TLK1: variants seen among roughly 807,000 people sequenced by gnomAD.
TLK1 encodes the protein tousled like kinase 1.
TLK1 carries 24 observed loss-of-function variants against 105.3 expected under a neutral mutation model. The observed-to-expected ratio is 0.23, with a 90% CI of 0.17 to 0.32. TLK1 has a LOEUF of 0.32. Among genes scored for constraint, TLK1 ranks in the 10% least tolerant of loss-of-function variants. The pLI is 1.00. For missense variants in TLK1, 558 were observed against 910.5 expected (o/e 0.61, Z 4.98); for synonymous variants, 321 against 310.4 (o/e 1.03, Z -0.36).
chr2:171,190,356 T>C (rs1693121463), intron 1 of TLK1, among the ~76,000 whole-genome samples: 1 of 152,180 alleles, frequency 6.6e-6, no homozygotes, highest in Admixed American at 6.6e-5. Context: ...GGCCTCAACA[T>C]AAAGCTTACT....
rs75679633 is a variant in TLK1 at position 171,135,345 on chromosome 2, C to A, written c.140-17488G>T. On this transcript the variant is annotated intron_variant, in intron 1 of 20. Transcript: ENST00000431350. Reference sequence around the variant, plus strand: ...TATATATATATATATATATATATATCAAAACATGACACTGTACCCCATAAA... The same window carrying A: ...TATATATATATATATATATATATATAAAAACATGACACTGTACCCCATAAA... Among the ~76,000 whole-genome samples the A allele has an allele frequency of 2.6e-3, 360 of 138,074 alleles. 5 individuals are homozygous for A. In the East Asian group the frequency reaches 0.052, roughly 20 times the overall value. The allele number at this position is 138,074 out of a possible 152,430, so 90.6% of individuals were successfully genotyped here.
At chr2:171,127,994 A>G (rs1443337062) in intron 1 of TLK1, among the ~76,000 whole-genome samples, 2 of 152,198 alleles carry the variant, frequency 1.3e-5, no homozygotes, top group African/African-American at 2.4e-5. Context: ...CTAGGTATAC[A>G]TGTTCAATTA....
rs1418680567 is a variant in TLK1, at chr2:170,993,368, A to G, written c.*412T>C. On this transcript the variant is annotated 3_prime_UTR_variant, in exon 21 of 21. Coordinates refer to ENST00000431350, the MANE Select transcript of TLK1 (RefSeq NM_012290.5). ...AGTTCGTATGTTAGAAATATGTCTC[A>G]TATTTTTCCATGTGTTTTTAAATAA... is the stretch of plus-strand genomic sequence containing the variant. 2 of 154,444 alleles carry G rather than the reference A, an allele frequency of 1.3e-5. No individual in the cohort carries two copies. The highest frequency in any genetic ancestry group is 2.9e-5 in the Non-Finnish European group (2 of 69,324). The allele number at this position is 154,444 out of a possible 1,614,324, so 9.6% of individuals were successfully genotyped here.
At chr2:171,134,696 G>C (rs144443089) in intron 1 of TLK1, among the ~76,000 whole-genome samples, 89 of 147,968 alleles carry the variant, frequency 6.0e-4, no homozygotes, top group African/African-American at 1.9e-3. Flanking sequence ...AAAAAAATGT[G>C]GTATATATAC....
intron 1 of TLK1, among the ~76,000 whole-genome samples, chr2:171,182,295 A>G (rs916341256): frequency 6.6e-6 from 1 of 152,262 alleles, no homozygotes; most frequent in African/African-American, 2.4e-5. Context: ...CCAAATTCTT[A>G]TTAATTACAA....
chr2:170,997,436 T>G (rs1032850647), intron 19 of TLK1, among the ~76,000 whole-genome samples: 5 of 152,046 alleles, frequency 3.3e-5, no homozygotes, highest in African/African-American at 1.2e-4. Flanking sequence ...AAGTATTGAC[T>G]CCAGTATTCC....
chr2:171,201,023 A>G (rs1219767647), intron 1 of TLK1, among the ~76,000 whole-genome samples: 1 of 151,748 alleles, frequency 6.6e-6, no homozygotes, highest in Non-Finnish European at 1.5e-5. Flanking sequence ...CTGGGAATTC[A>G]GGTGCATGCT....
chr2:171,029,212 G>C (rs1685920359), intron 11 of TLK1, among the ~76,000 whole-genome samples: 1 of 152,190 alleles, frequency 6.6e-6, no homozygotes, highest in African/African-American at 2.4e-5. Context: ...TCACTGCAAA[G>C]GGAGTCAGTC....
chr2:171,221,458 A>T (rs1029323506), intron 1 of TLK1, among the ~76,000 whole-genome samples: 1 of 152,212 alleles, frequency 6.6e-6, no homozygotes, highest in Non-Finnish European at 1.5e-5. Context: ...AAAGAAGATG[A>T]TGCATTGCTT....
chr2:171,053,465 C>A (rs1165739134), intron 8 of TLK1, among the ~76,000 whole-genome samples: 1 of 151,994 alleles, frequency 6.6e-6, no homozygotes, highest in Non-Finnish European at 1.5e-5. Context: ...CGGGTTCAAG[C>A]ATTTCTGCTG....
intron 1 of TLK1, among the ~76,000 whole-genome samples, chr2:171,173,953 C>A (rs1692775488): frequency 6.6e-6 from 1 of 152,156 alleles, no homozygotes. Flanking sequence ...TTGCCACTCC[C>A]TAAGACTACG....
At chr2:171,161,015 G>C (rs921718074), upstream of TLK1, 138 of 185,484 alleles carry the variant, frequency 7.4e-4, 3 homozygotes, top group South Asian at 2.7e-3. Flanking sequence ...AGCAGGCTTG[G>C]GGGAGGGACC....
rs1683897133 is a variant in TLK1, at chr2:170,993,680, A to AAG, written c.*99_*100insCT. ...ACCACGTCTTGTGTAAAAAAAAAAA[A>AAG]AAAAAAAAAAGAAAAAGAAAACAAA... is the stretch of plus-strand genomic sequence containing the variant. On this transcript the variant is annotated 3_prime_UTR_variant, in exon 21 of 21. Coordinates refer to ENST00000431350, the MANE Select transcript of TLK1 (RefSeq NM_012290.5). 3.2e-6 allele frequency: 3 copies of AAG among 937,678 alleles called. No individual in the cohort carries two copies. The highest frequency in any genetic ancestry group is 4.3e-6 in the Non-Finnish European group (3 of 697,502). The allele number at this position is 937,678 out of a possible 1,614,324, so 58.1% of individuals were successfully genotyped here.
At chr2:171,227,638 A>G (rs1223908585) in intron 1 of TLK1, among the ~76,000 whole-genome samples, 1 of 132,396 alleles carries the variant, frequency 7.6e-6, no homozygotes, top group Non-Finnish European at 1.5e-5. Context: ...CAACTGTAAA[A>G]GTTCTGACTA....
intron 11 of TLK1, among the ~76,000 whole-genome samples, chr2:171,042,175 G>A (rs1369445402): frequency 6.6e-6 from 1 of 152,132 alleles, no homozygotes; most frequent in African/African-American, 2.4e-5. Context: ...AAGACAACTA[G>A]TAAACAAAAT....
At chr2:171,039,620 C>T (rs1686556625) in intron 11 of TLK1, among the ~76,000 whole-genome samples, 3 of 152,168 alleles carry the variant, frequency 2.0e-5, no homozygotes, top group South Asian at 4.1e-4. Context: ...AACCTGTAGA[C>T]TGATCTTGTT....
Position 170,997,775 on chromosome 2 carries a change from A to G in TLK1, c.1953T>C (p.Ile651=). Residue 651 remains isoleucine, a synonymous_variant, in exon 19 of 21, where the codon ATT becomes ATC. Coordinates refer to ENST00000431350, the MANE Select transcript of TLK1 (RefSeq NM_012290.5). ...CFVVGKEPPK[I]SNKVDVWSVG... is the part of the protein sequence containing the mutation. Reference sequence around the variant, plus strand: ...CCGACCATACATCAACCTTGTTGGAAATCTTTGGTGGCTCTTTTCCAACTA... The same window carrying G: ...CCGACCATACATCAACCTTGTTGGAGATCTTTGGTGGCTCTTTTCCAACTA... 6.2e-7 allele frequency: 1 copy of G among 1,609,662 alleles called. No homozygotes were observed.
chr2:170,996,734 T>C lies in TLK1; in HGVS notation c.2043A>G (p.Gln681=). ...RKPFGHNQSQ[Q]DILQENTILK... ...ATATTGTATTTTCTTGAAGAATGTC[T>C]TGTTGAGATTGATTGTGACCAAATG... Residue 681 remains glutamine (Q), a synonymous_variant, in exon 20 of 21, where the codon CAA becomes CAG. Coordinates refer to ENST00000431350, the MANE Select transcript of TLK1 (RefSeq NM_012290.5). 6.2e-7 allele frequency: 1 copy of C among 1,612,862 alleles called. No homozygotes were observed. The highest frequency in any genetic ancestry group is 2.2e-5 in the East Asian group (1 of 44,832).
chr2:171,098,285 G>A (rs918207049), intron 2 of TLK1, among the ~76,000 whole-genome samples: 5 of 152,012 alleles, frequency 3.3e-5, no homozygotes, highest in Non-Finnish European at 7.4e-5. Flanking sequence ...ATGAGGTGAT[G>A]AACATGTTAA....
Sources: allele counts gnomAD v4.1 joint callset (sites outside exome capture counted in the v4.1 genomes callset), GRCh38; gene constraint gnomAD v4.1.1; transcripts MANE v1.5; gene names NCBI Gene and HGNC (gene_info 2026-07-23, HGNC 2026-07-21).